Variants in RIOK3 observed in about 807,000 individuals in gnomAD.
The protein encoded by RIOK3 is RIO kinase 3.
In RIOK3, 40 loss-of-function variants were observed where a neutral mutation model predicts 63.5. The ratio of observed to expected loss-of-function variants is 0.63; its 90% confidence interval spans 0.49 to 0.82. The LOEUF is 0.82. Ranked by LOEUF, RIOK3 falls within the 40% of genes least tolerant of loss-of-function variation. The pLI is 0.00. For missense variants in RIOK3, 557 were observed against 637.0 expected (o/e 0.87, Z 1.35); for synonymous variants, 193 against 205.0 (o/e 0.94, Z 0.50).
chr18:23,476,165 A>G (rs1377932178), intron 9 of RIOK3, among the ~76,000 whole-genome samples: 1 of 152,074 alleles, frequency 6.6e-6, no homozygotes, highest in Non-Finnish European at 1.5e-5. Context: ...TGAAAATTGA[A>G]AACAGTAGGG....
At chr18:23,453,537 G>T (rs1327198177) in intron 1 of RIOK3, 35 bp downstream of exon 1, 1 of 1,533,760 alleles carries the variant, frequency 6.5e-7, no homozygotes, top group Non-Finnish European at 9.0e-7. Flanking sequence ...ACTAGCCTTG[G>T]TCACACGGGC....
At chr18:23,466,088 G>A in intron 5 of RIOK3, 45 bp from the exon 6 acceptor site, 2 of 1,483,428 alleles carry the variant, frequency 1.3e-6, no homozygotes, top group East Asian at 2.4e-5. Context: ...GTTTTTAACT[G>A]TCCCTATTTT....
At chr18:23,476,647 G>A (rs1033748861) in intron 9 of RIOK3, among the ~76,000 whole-genome samples, 12 of 152,002 alleles carry the variant, frequency 7.9e-5, no homozygotes, top group Admixed American at 2.0e-4. Flanking sequence ...CAGTGCTCAC[G>A]CCTGTAATCC....
intron 11 of RIOK3, 26 bp from the exon 12 acceptor site, chr18:23,479,291 C>G (rs374385713): frequency 7.0e-7 from 1 of 1,424,260 alleles, no homozygotes; most frequent in African/African-American, 1.4e-5. Context: ...ATACTTCTTA[C>G]TGACTTTCTT....
Position 23,453,483 on chromosome 18 carries a change from C to G in RIOK3, c.44C>G (p.Ala15Gly). ...GVASPEPGTA[A>G]AWGPSKCPWA... ...GCATCGCCTGAGCCCGGGACGGCAG[C>G]GGCCTGGGGACCCAGCAAGGTAAGT... The change falls in exon 1 of 13, where the codon GCG becomes GGG. Residue 15 changes from alanine to glycine, a missense_variant. Ala to Gly is a moderately conservative substitution (Grantham distance 60). This residue lies in a region of RIOK3 where 243 missense variants were observed against 275.4 expected (regional missense o/e 0.88). Coordinates refer to ENST00000339486, the MANE Select transcript of RIOK3 (RefSeq NM_003831.5). The G allele has an allele frequency of 6.2e-7, 1 of 1,613,394 alleles. No homozygotes were observed. The highest frequency in any genetic ancestry group is 8.5e-7 in the Non-Finnish European group (1 of 1,179,498).
At chr18:23,467,236 C>T (rs1257499331) in intron 6 of RIOK3, among the ~76,000 whole-genome samples, 163 bp from the exon 7 acceptor site, 1 of 152,018 alleles carries the variant, frequency 6.6e-6, no homozygotes, top group Non-Finnish European at 1.5e-5. Flanking sequence ...ATCACTTGAA[C>T]CTGGGAGGTG....
In RIOK3 at chr18:23,473,627, G is replaced by A; in HGVS notation, c.1013+1G>A. 3 of 1,608,362 alleles carry A rather than the reference G, an allele frequency of 1.9e-6. No homozygotes were observed. The East Asian group carries it at 6.7e-5, about 36-fold the overall frequency. On this transcript the variant is annotated splice_donor_variant, in intron 8 of 12. Coordinates refer to ENST00000339486, the MANE Select transcript of RIOK3 (RefSeq NM_003831.5). LOFTEE classifies it high-confidence loss of function. Reference sequence around the variant, plus strand: ...AAAAAGAAATGCACAATCTCGCAAGGTAAAGAAAATATTGTGCTAGACGTA... The same window carrying A: ...AAAAAGAAATGCACAATCTCGCAAGATAAAGAAAATATTGTGCTAGACGTA...
At chr18:23,455,749 C>T (rs1318206151) in intron 1 of RIOK3, among the ~76,000 whole-genome samples, 2 of 151,988 alleles carry the variant, frequency 1.3e-5, no homozygotes, top group Admixed American at 1.3e-4. Flanking sequence ...AGGCTCCCAC[C>T]TCGGCCTCCT....
intron 1 of RIOK3, among the ~76,000 whole-genome samples, chr18:23,456,992 G>A (rs2145667494): frequency 6.6e-6 from 1 of 152,218 alleles, no homozygotes; most frequent in East Asian, 1.9e-4. Flanking sequence ...GAAAACACGA[G>A]AATACCAAGC....
chr18:23,456,733 A>C (rs1276654517), intron 1 of RIOK3, among the ~76,000 whole-genome samples: 1 of 152,196 alleles, frequency 6.6e-6, no homozygotes, highest in Non-Finnish European at 1.5e-5. Context: ...AGTGAACAGT[A>C]TTTTATATTT....
intron 12 of RIOK3, 37 bp from the exon 13 acceptor site, chr18:23,481,135 G>T (rs1363365803): frequency 3.6e-5 from 52 of 1,430,886 alleles, no homozygotes; most frequent in Non-Finnish European, 5.0e-5. Context: ...TGAAAAGTAG[G>T]ATTTTGACAA....
chr18:23,480,555 G>GCACACACACACACACACACA (rs59552026), intron 12 of RIOK3, among the ~76,000 whole-genome samples: 190 of 142,080 alleles, frequency 1.3e-3, no homozygotes, highest in South Asian at 3.2e-3. Context: ...TTGGATGCAC[G>GCACACACACACACACACACA]CACACACACA....
intron 2 of RIOK3, among the ~76,000 whole-genome samples, chr18:23,463,496 G>A (rs796422392): frequency 1.6e-4 from 24 of 146,434 alleles, no homozygotes; most frequent in South Asian, 6.4e-4. Flanking sequence ...CACAACCTCC[G>A]TCTCCCGGGT....
Position 23,464,585 on chromosome 18 carries a change from A to G in RIOK3, c.500A>G (p.Asp167Gly). Residue 167 changes from aspartate to glycine, a missense_variant, in exon 5 of 13, where the codon GAT becomes GGT. This residue lies in a region of RIOK3 where 243 missense variants were observed against 275.4 expected (regional missense o/e 0.88). Coordinates refer to ENST00000339486, the MANE Select transcript of RIOK3 (RefSeq NM_003831.5). ...GKGKDITTKH[D>G]EVVCGRKNTA... is the part of the protein sequence containing the mutation. ...GGAAAAGATATCACCACCAAACATG[A>G]TGAAGTAGTATGTGGGAGAAAGAAC... is the stretch of plus-strand genomic sequence containing the variant. 6.2e-7 allele frequency: 1 copy of G among 1,607,202 alleles called. No individual in the cohort carries two copies. Among genetic ancestry groups the G allele is most frequent in the East Asian group, 2.2e-5 (1 of 44,604 alleles).
At chr18:23,462,531 A>T (rs2057378969) in intron 1 of RIOK3, among the ~76,000 whole-genome samples, 1 of 152,276 alleles carries the variant, frequency 6.6e-6, no homozygotes, top group Non-Finnish European at 1.5e-5. Flanking sequence ...TTAAATTAGA[A>T]TGAGATATAA....
intron 1 of RIOK3, among the ~76,000 whole-genome samples, chr18:23,454,444 ATAC>A (rs1460426935): frequency 3.3e-5 from 5 of 152,248 alleles, no homozygotes; most frequent in African/African-American, 1.2e-4. Context: ...AGAATCTGAG[ATAC>A]TGCGTTGGCA....
chr18:23,476,635 C>T (rs879467680), intron 9 of RIOK3, among the ~76,000 whole-genome samples: 2 of 14,900 alleles, frequency 1.3e-4, no homozygotes, highest in Admixed American at 1.8e-3. Flanking sequence ...GGGGGCTGGG[C>T]GCAGTGCTCA....
At chr18:23,473,312 A>C in intron 7 of RIOK3, 117 bp from the exon 8 acceptor site, 2 of 607,712 alleles carry the variant, frequency 3.3e-6, no homozygotes. Context: ...TTAAAAAAAC[A>C]AGACTTGACA....
rs1211138177 is a variant in RIOK3 at position 23,481,562 on chromosome 18, AAAATGTCTTGATGATAATTTT to A, written c.*284_*304del. 107 of 280,520 alleles carry A rather than the reference AAAATGTCTTGATGATAATTTT, an allele frequency of 3.8e-4. 1 individual carries two copies. Among genetic ancestry groups the A allele is most frequent in the Non-Finnish European group, 5.3e-5 (8 of 151,448 alleles). The allele number at this position is 280,520 out of a possible 1,614,324, so 17.4% of individuals were successfully genotyped here. On this transcript the variant is annotated 3_prime_UTR_variant, in exon 13 of 13. Transcript: ENST00000339486. ...CCTAATTTTATGTGACTTGTGGTGT[AAAATGTCTTGATGATAATTTT>A]TAAAACTTGGGTAACACTTCCAAAT... is the stretch of plus-strand genomic sequence containing the variant.
Sources: gnomAD v4.1 joint callset for allele counts (sites outside exome capture counted in the v4.1 genomes callset) on GRCh38, gnomAD v4.1.1 for gene constraint, gnomAD v4.1.1 regional missense constraint, MANE v1.5 for transcripts, NCBI Gene and HGNC (gene_info 2026-07-23, HGNC 2026-07-21) for gene names.